Variants in CHCHD3 observed in about 807,000 individuals in gnomAD.
CHCHD3 encodes coiled-coil-helix-coiled-coil-helix domain containing 3.
A neutral mutation model predicts 38.2 loss-of-function variants in CHCHD3; 20 were observed. That is an observed-to-expected ratio of 0.52 (90% confidence interval 0.37 to 0.76). The LOEUF (loss-of-function observed/expected upper bound fraction) is 0.76, where lower values mean the gene tolerates loss of function less well. Among genes scored for constraint, CHCHD3 ranks in the 30% least tolerant of loss-of-function variants. The probability of loss-of-function intolerance (pLI) is 0.00; values close to 1 mark genes in which losing one functional copy is unlikely to be tolerated. For missense variants in CHCHD3, 245 were observed against 279.2 expected, an observed-to-expected ratio of 0.88 and a Z score of 0.87; for synonymous variants, 82 against 100.0, an observed-to-expected ratio of 0.82 and a Z score of 1.07.
chr7:133,057,134 G>C (rs758862548), intron 2 of CHCHD3, among the ~76,000 whole-genome samples: 1 of 152,204 alleles, frequency 6.6e-6, no homozygotes, highest in African/African-American at 2.4e-5. Context: ...GCTGGTTCAA[G>C]TTACACCTAT....
intron 3 of CHCHD3, among the ~76,000 whole-genome samples, chr7:133,006,434 T>C (rs1812701671): frequency 6.6e-6 from 1 of 151,884 alleles, no homozygotes; most frequent in Non-Finnish European, 1.5e-5. Flanking sequence ...GCCGCTGCAC[T>C]CCAGCCTGGG....
intron 2 of CHCHD3, among the ~76,000 whole-genome samples, chr7:133,066,305 A>AGTGCAGT (rs1226023641): frequency 6.6e-6 from 1 of 151,534 alleles, no homozygotes; most frequent in African/African-American, 2.4e-5. Flanking sequence ...CCCAGGCTGA[A>AGTGCAGT]GTGCAGTGGC....
rs139306614 is a variant in CHCHD3 at position 132,941,286 on chromosome 7, G to A, written c.369+33883C>T. ...CTTGATATCTTACAGCTTCATGACA[G>A]GGTAGTTCCCTGCAAGGGTGCAGTT... On this transcript the variant is annotated intron_variant, in intron 4 of 7. Transcript: ENST00000262570. Among the ~76,000 whole-genome samples the A allele has an allele frequency of 7.1e-3, 1,074 of 152,192 alleles. 11 individuals are homozygous for A. Among genetic ancestry groups the A allele is most frequent in the African/African-American group, 0.024 (999 of 41,516 alleles).
At chr7:132,991,945 G>A (rs747897579) in intron 3 of CHCHD3, among the ~76,000 whole-genome samples, 50 of 152,260 alleles carry the variant, frequency 3.3e-4, no homozygotes, top group Non-Finnish European at 5.3e-4. Context: ...ATTATCCTAA[G>A]ATGGACTACT....
chr7:132,970,465 G>A (rs769861105), intron 4 of CHCHD3, among the ~76,000 whole-genome samples: 1 of 152,148 alleles, frequency 6.6e-6, no homozygotes, highest in African/African-American at 2.4e-5. Context: ...TGCAAACATA[G>A]CAATTAGTTA....
At chr7:132,905,456 T>G (rs1457361412) in intron 4 of CHCHD3, among the ~76,000 whole-genome samples, 1 of 151,784 alleles carries the variant, frequency 6.6e-6, no homozygotes, top group Non-Finnish European at 1.5e-5. Context: ...TGGGGGGCTG[T>G]CGGGAGGGAG....
At chr7:132,988,760 A>AT (rs1812194559) in intron 3 of CHCHD3, among the ~76,000 whole-genome samples, 2 of 151,134 alleles carry the variant, frequency 1.3e-5, no homozygotes, top group South Asian at 4.3e-4. Flanking sequence ...ACAAAAAAAA[A>AT]TTTTTTTATC....
At chr7:132,970,814 T>G (rs10279069) in intron 4 of CHCHD3, among the ~76,000 whole-genome samples, 2,807 of 152,026 alleles carry the variant, frequency 0.018, 91 homozygotes, top group African/African-American at 0.064. Context: ...TCTGTGATGA[T>G]AACAAGAAAT....
Position 132,796,522 on chromosome 7 carries a change from A to C in CHCHD3, c.580T>G (p.Tyr194Asp). ...ADLQAKILQC[Y>D]RENTHQTLKC... ...AGGGTCTGGTGGGTGTTCTCACGGT[A>C]ACACTGAAGAATTTTGGCCTGCAGA... Residue 194 changes from tyrosine to aspartate, a missense_variant, in exon 7 of 8, where the codon TAC (tyrosine) becomes GAC (aspartate). Physicochemically the swap from Tyr to Asp is radical, Grantham distance 160. Coordinates refer to ENST00000262570, the MANE Select transcript of CHCHD3 (RefSeq NM_017812.4). The C allele has an allele frequency of 6.2e-7, 1 of 1,613,894 alleles. No individual in the cohort carries two copies. The highest frequency in any genetic ancestry group is 1.1e-5 in the South Asian group (1 of 91,064).
chr7:132,941,403 T>G (rs181161806), intron 4 of CHCHD3, among the ~76,000 whole-genome samples: 40 of 152,158 alleles, frequency 2.6e-4, no homozygotes, highest in African/African-American at 9.4e-4. Flanking sequence ...GGACCCACAC[T>G]TCAGCTCACA....
intron 6 of CHCHD3, among the ~76,000 whole-genome samples, chr7:132,813,770 C>A (rs562572471): frequency 1.3e-5 from 2 of 152,124 alleles, no homozygotes; most frequent in South Asian, 2.1e-4. Flanking sequence ...AAGGTACCCA[C>A]AAAGTGTTCA....
chr7:133,012,699 G>A (rs1235149973), intron 3 of CHCHD3, among the ~76,000 whole-genome samples: 3 of 151,474 alleles, frequency 2.0e-5, no homozygotes, highest in Admixed American at 6.6e-5. Context: ...GGGAGACAGA[G>A]GGTGCAATGG....
intron 4 of CHCHD3, among the ~76,000 whole-genome samples, chr7:132,937,279 G>C (rs895312805): frequency 2.0e-5 from 3 of 152,146 alleles, no homozygotes; most frequent in Non-Finnish European, 4.4e-5. Flanking sequence ...ATTTGGATTT[G>C]CTCATGTATA....
chr7:132,982,388 G>A (rs915436977), intron 3 of CHCHD3, among the ~76,000 whole-genome samples: 2 of 152,298 alleles, frequency 1.3e-5, no homozygotes, highest in African/African-American at 4.8e-5. Context: ...GGATTCAAGC[G>A]ATTCTCCTGC....
At chr7:132,854,002 T>C (rs890163533) in intron 5 of CHCHD3, among the ~76,000 whole-genome samples, 1 of 152,212 alleles carries the variant, frequency 6.6e-6, no homozygotes, top group African/African-American at 2.4e-5. Flanking sequence ...AAACTGGCTG[T>C]CTTACTTGCT....
intron 5 of CHCHD3, among the ~76,000 whole-genome samples, chr7:132,847,738 A>G (rs1408136852): frequency 6.6e-6 from 1 of 152,230 alleles, no homozygotes; most frequent in Non-Finnish European, 1.5e-5. Context: ...ATGCACATAC[A>G]CACACAGTAT....
chr7:132,801,378 T>C (rs1806789002), intron 6 of CHCHD3, among the ~76,000 whole-genome samples: 1 of 152,222 alleles, frequency 6.6e-6, no homozygotes, highest in African/African-American at 2.4e-5. Context: ...CATTTCCATT[T>C]GAGCTGTAAT....
At chr7:133,056,735 A>G (rs2117511571) in intron 2 of CHCHD3, among the ~76,000 whole-genome samples, 1 of 152,344 alleles carries the variant, frequency 6.6e-6, no homozygotes, top group Admixed American at 6.5e-5. Context: ...GTGTTAAAGA[A>G]GAAAAAAAGA....
intron 1 of CHCHD3, among the ~76,000 whole-genome samples, chr7:133,079,273 G>T (rs1035376779): frequency 9.9e-5 from 15 of 152,180 alleles, no homozygotes; most frequent in Non-Finnish European, 1.6e-4. Context: ...CAAAGTACAA[G>T]ACACTGTGCT....
Sources: gnomAD v4.1 joint callset for allele counts (sites outside exome capture counted in the v4.1 genomes callset) on GRCh38, gnomAD v4.1.1 for gene constraint, MANE v1.5 for transcripts, NCBI Gene and HGNC (gene_info 2026-07-23, HGNC 2026-07-21) for gene names.